Variants in STXBP5 observed in about 807,000 individuals in gnomAD.
STXBP5 encodes the protein syntaxin-binding protein 5.
A neutral mutation model predicts 152.4 loss-of-function variants in STXBP5; 50 were observed. The observed-to-expected ratio is 0.33, with a 90% CI of 0.26 to 0.42. The LOEUF is 0.42. Ranked by LOEUF, STXBP5 falls within the 10% of genes least tolerant of loss-of-function variation. The pLI is 1.00. For synonymous variants in STXBP5, 492 were observed against 494.7 expected, an observed-to-expected ratio of 0.99 and a Z score of 0.07; for missense variants, 1,167 against 1,388.6, an observed-to-expected ratio of 0.84 and a Z score of 2.54.
chr6:147,299,987 A>G (rs1043989356), intron 9 of STXBP5, among the ~76,000 whole-genome samples: 3 of 152,176 alleles, frequency 2.0e-5, no homozygotes, highest in Admixed American at 1.3e-4. Flanking sequence ...TAGAAAATGT[A>G]TGGTAGTCAG....
chr6:147,285,826 T>A (rs1780934338), intron 8 of STXBP5, among the ~76,000 whole-genome samples: 2 of 152,194 alleles, frequency 1.3e-5, no homozygotes, highest in African/African-American at 4.8e-5. Flanking sequence ...GAAAGATTGA[T>A]GTTGAATATT....
intron 18 of STXBP5, among the ~76,000 whole-genome samples, 197 bp from the exon 19 acceptor site, chr6:147,333,960 A>T (rs185572458): frequency 5.3e-5 from 8 of 152,304 alleles, no homozygotes; most frequent in East Asian, 1.9e-4. Context: ...TTAACTGATG[A>T]GTGCTGTATT....
chr6:147,339,433 T>C, intron 21 of STXBP5, 49 bp downstream of exon 21: 1 of 1,359,890 alleles, frequency 7.4e-7, no homozygotes, highest in Non-Finnish European at 9.7e-7. Context: ...CTATATGCAG[T>C]GCTAACCCAA....
chr6:147,292,249 AG>A (rs1158524497), intron 9 of STXBP5: 1 of 453,122 alleles, frequency 2.2e-6, no homozygotes, highest in Admixed American at 2.4e-5. Context: ...CCTTCTTTTT[AG>A]GGTTTGTTGA....
At chr6:147,353,964 A>G (rs1784705431) in intron 22 of STXBP5, among the ~76,000 whole-genome samples, 1 of 152,210 alleles carries the variant, frequency 6.6e-6, no homozygotes, top group African/African-American at 2.4e-5. Context: ...CATAGGGACA[A>G]ATGACATTTC....
chr6:147,258,324 A>C (rs1452301276), intron 4 of STXBP5, among the ~76,000 whole-genome samples: 6 of 152,242 alleles, frequency 3.9e-5, no homozygotes, highest in Non-Finnish European at 8.8e-5. Flanking sequence ...CCTTAAAAAA[A>C]GATTTCTTGT....
At chr6:147,365,170 C>G (rs1470273778) in intron 25 of STXBP5, among the ~76,000 whole-genome samples, 1 of 152,128 alleles carries the variant, frequency 6.6e-6, no homozygotes, top group Non-Finnish European at 1.5e-5. Flanking sequence ...CTATACTATA[C>G]TGGAAACCTA....
At chr6:147,323,037 A>G (rs2128382534) in intron 16 of STXBP5, among the ~76,000 whole-genome samples, 1 of 152,126 alleles carries the variant, frequency 6.6e-6, no homozygotes, top group African/African-American at 2.4e-5. Context: ...GGTCTCCTAA[A>G]ACTACCTCTT....
At chr6:147,324,884 A>G in intron 16 of STXBP5, 75 bp from the exon 17 acceptor site, 1 of 1,278,974 alleles carries the variant, frequency 7.8e-7, no homozygotes, top group Non-Finnish European at 1.0e-6. Context: ...ATCGTTTCAT[A>G]TAAAAAGTTA....
chr6:147,351,553 T>C (rs772943763), intron 21 of STXBP5, among the ~76,000 whole-genome samples: 1 of 152,178 alleles, frequency 6.6e-6, no homozygotes, highest in Non-Finnish European at 1.5e-5. Context: ...TTTAAGGGTA[T>C]TGGATTTCAA....
intron 4 of STXBP5, among the ~76,000 whole-genome samples, chr6:147,258,027 A>G (rs1369056262): frequency 6.6e-6 from 1 of 152,180 alleles, no homozygotes; most frequent in Non-Finnish European, 1.5e-5. Context: ...CCAACAGGCT[A>G]GTCTGGGCTT....
At chr6:147,254,609 C>T (rs557338110) in intron 4 of STXBP5, among the ~76,000 whole-genome samples, 2 of 152,162 alleles carry the variant, frequency 1.3e-5, no homozygotes, top group South Asian at 4.1e-4. Context: ...AAAAAACAAC[C>T]CCATCAAAAA....
chr6:147,355,664 A>C (rs576310054), intron 22 of STXBP5, among the ~76,000 whole-genome samples: 1 of 152,164 alleles, frequency 6.6e-6, no homozygotes, highest in East Asian at 1.9e-4. Context: ...TGAGCAAGTC[A>C]CTTAATCTCT....
intron 6 of STXBP5, among the ~76,000 whole-genome samples, chr6:147,263,128 A>G (rs1779719527): frequency 6.6e-6 from 1 of 151,910 alleles, no homozygotes; most frequent in Non-Finnish European, 1.5e-5. Flanking sequence ...TTGAGCTGAT[A>G]TATTGTTTAA....
At chr6:147,362,197 A>G (rs1014681578) in intron 23 of STXBP5, among the ~76,000 whole-genome samples, 1 of 152,204 alleles carries the variant, frequency 6.6e-6, no homozygotes, top group Non-Finnish European at 1.5e-5. Context: ...ACATAAATGC[A>G]GAGAGGAAAG....
intron 4 of STXBP5, 86 bp downstream of exon 4, chr6:147,239,356 G>T: frequency 1.8e-6 from 2 of 1,140,614 alleles, no homozygotes; most frequent in East Asian, 2.5e-5. Flanking sequence ...TGTGTGTGAT[G>T]GACCTTATGC....
chr6:147,207,882 T>G (rs2115017459), intron 2 of STXBP5, among the ~76,000 whole-genome samples: 1 of 152,284 alleles, frequency 6.6e-6, no homozygotes, highest in Non-Finnish European at 1.5e-5. Flanking sequence ...TTAGTATAAT[T>G]ATAAGTGAGT....
At chr6:147,362,121 T>G (rs1189589715) in intron 23 of STXBP5, among the ~76,000 whole-genome samples, 1 of 152,160 alleles carries the variant, frequency 6.6e-6, no homozygotes, top group Non-Finnish European at 1.5e-5. Flanking sequence ...AAAGTATTCA[T>G]TGTTTATCTG....
At chr6:147,290,700 G>T (rs1781235982) in intron 8 of STXBP5, among the ~76,000 whole-genome samples, 1 of 152,138 alleles carries the variant, frequency 6.6e-6, no homozygotes, top group African/African-American at 2.4e-5. Context: ...TAATATTGCA[G>T]CCTGTCACAC....
Sources: gnomAD v4.1 joint callset for allele counts (sites outside exome capture counted in the v4.1 genomes callset) on GRCh38, gnomAD v4.1.1 for gene constraint, MANE v1.5 for transcripts, NCBI Gene and HGNC (gene_info 2026-07-23, HGNC 2026-07-21) for gene names.